Variants in LAMC3 observed in about 807,000 individuals in gnomAD.
LAMC3 encodes the protein laminin subunit gamma-3.
Under a neutral mutation model 173.8 loss-of-function variants are expected in LAMC3, and 128 were observed. The ratio of observed to expected loss-of-function variants is 0.74; its 90% CI spans 0.64 to 0.85. LAMC3 has a LOEUF of 0.85. Among genes scored for constraint, LAMC3 ranks in the 40% least tolerant of loss-of-function variants. The probability of loss-of-function intolerance (pLI) is 0.00; values close to 1 mark genes in which losing one functional copy is unlikely to be tolerated. For missense variants in LAMC3, 2,022 were observed against 2,156.0 expected (o/e 0.94, Z 1.23); for synonymous variants, 897 against 909.1 (o/e 0.99, Z 0.24).
chr9:131,019,135 G>A (rs1193654692), intron 1 of LAMC3, among the ~76,000 whole-genome samples: 6 of 152,326 alleles, frequency 3.9e-5, no homozygotes, highest in South Asian at 4.1e-4. Context: ...GGTGGTGCAC[G>A]CTTGTAATCC....
At chr9:131,079,082 C>A (rs776633410) in intron 22 of LAMC3, 67 bp from the exon 23 acceptor site, 2 of 1,578,618 alleles carry the variant, frequency 1.3e-6, no homozygotes, top group Non-Finnish European at 8.6e-7. Flanking sequence ...GGCACCTCCC[C>A]CAAGGAGAGG....
intron 4 of LAMC3, among the ~76,000 whole-genome samples, chr9:131,037,250 C>T (rs1163826066): frequency 6.6e-6 from 1 of 152,222 alleles, no homozygotes; most frequent in Non-Finnish European, 1.5e-5. Flanking sequence ...CTACCATGTC[C>T]TCAGCTCCAT....
intron 27 of LAMC3, among the ~76,000 whole-genome samples, chr9:131,088,468 A>C (rs1484723430): frequency 6.6e-6 from 1 of 152,014 alleles, no homozygotes; most frequent in African/African-American, 2.4e-5. Context: ...AGGGAATAGC[A>C]CCTCCCAAGG....
At chr9:131,034,941 T>TATTGATTG (rs879860563) in intron 3 of LAMC3, among the ~76,000 whole-genome samples, 66 of 151,798 alleles carry the variant, frequency 4.3e-4, no homozygotes, top group South Asian at 2.1e-3. Context: ...CTGAGATGAT[T>TATTGATTG]ATTTATTTAT....
At chr9:131,054,294 G>A (rs1448393930) in intron 11 of LAMC3, among the ~76,000 whole-genome samples, 1 of 152,090 alleles carries the variant, frequency 6.6e-6, no homozygotes, top group African/African-American at 2.4e-5. Context: ...CCTCTTTTGA[G>A]TCCAAGGGTG....
At chr9:131,080,319 T>C (rs1274722362) in intron 23 of LAMC3, 7 of 136,562 alleles carry the variant, frequency 5.1e-5, no homozygotes, top group Non-Finnish European at 9.3e-5. Context: ...AGACAGACTC[T>C]TACTCTGTCA....
intron 1 of LAMC3, among the ~76,000 whole-genome samples, chr9:131,010,108 C>A (rs907918749): frequency 7.1e-6 from 1 of 141,360 alleles, no homozygotes; most frequent in Non-Finnish European, 1.5e-5. Context: ...GAGCCGAGGT[C>A]GCACCACCGT....
chr9:131,081,167 G>A (rs1198181209), intron 23 of LAMC3, among the ~76,000 whole-genome samples: 1 of 152,228 alleles, frequency 6.6e-6, no homozygotes, highest in Non-Finnish European at 1.5e-5. Flanking sequence ...TGCCGATGGT[G>A]TCAGGCTTCC....
rs760996687 is a variant in LAMC3, at chr9:131,052,657, T to A, written c.1797T>A (p.His599Gln). The A allele has an allele frequency of 6.2e-7, 1 of 1,613,746 alleles. No individual in the cohort carries two copies. Among genetic ancestry groups the A allele is most frequent in the Admixed American group, 1.7e-5 (1 of 60,008 alleles). ...TGTCTGGCCCCCAGGATGCCGGGCA[T>A]CCCAGGGAGGTAGAGCTCAGGTTCC... is the stretch of plus-strand genomic sequence containing the variant. ...SSLSGPQDAG[H>Q]PREVELRFHL... The change falls in exon 10 of 28, where the codon CAT becomes CAA. Residue 599 changes from histidine (H) to glutamine (Q), a missense_variant. By Grantham distance (24) the His-to-Gln change is conservative (BLOSUM62 0). Coordinates refer to ENST00000361069, the MANE Select transcript of LAMC3 (RefSeq NM_006059.4).
intron 20 of LAMC3, among the ~76,000 whole-genome samples, chr9:131,074,585 A>G (rs912805751): frequency 5.3e-5 from 8 of 150,730 alleles, no homozygotes; most frequent in Non-Finnish European, 1.2e-4. Context: ...AATTCCAGCT[A>G]TTTGGGAGGC....
chr9:131,071,987 A>G (rs930057643), intron 18 of LAMC3, among the ~76,000 whole-genome samples: 1 of 152,152 alleles, frequency 6.6e-6, no homozygotes, highest in Non-Finnish European at 1.5e-5. Flanking sequence ...ATCTTAATAA[A>G]TGAGTAAATA....
At position 131,036,127 on chromosome 9, in the gene LAMC3, C is replaced by A. The variant is rs759865629; in HGVS notation, c.810-39C>A. 5.0e-6 allele frequency: 8 copies of A among 1,610,494 alleles called. No homozygotes were observed. In the South Asian group the frequency reaches 7.7e-5, roughly 15 times the overall value. On this transcript the variant is annotated intron_variant, in intron 3 of 27. Transcript: ENST00000361069. ...ACTAACTCCTTGTCTGCCCTGCCGG[C>A]ACCTGCGGGTCCCCTTCCTCCTCTG...
intron 9 of LAMC3, among the ~76,000 whole-genome samples, chr9:131,051,229 CT>C (rs1198218293): frequency 2.0e-5 from 3 of 151,822 alleles, no homozygotes; most frequent in East Asian, 1.9e-4. Context: ...AATATAAACA[CT>C]TTTTTTCCCC....
chr9:131,047,316 C>CA (rs1834189120), intron 8 of LAMC3, among the ~76,000 whole-genome samples: 1 of 150,960 alleles, frequency 6.6e-6, no homozygotes, highest in Non-Finnish European at 1.5e-5. Flanking sequence ...AGGCACCCAC[C>CA]ACCACGCCCA....
intron 1 of LAMC3, among the ~76,000 whole-genome samples, chr9:131,010,147 C>T (rs1245676955): frequency 8.2e-6 from 1 of 121,704 alleles, no homozygotes; most frequent in Non-Finnish European, 1.6e-5. Context: ...GAGCTAACTC[C>T]GTCTCAAAAA....
At chr9:131,035,377 G>C (rs1234555933) in intron 3 of LAMC3, among the ~76,000 whole-genome samples, 2 of 152,130 alleles carry the variant, frequency 1.3e-5, no homozygotes, top group Non-Finnish European at 2.9e-5. Flanking sequence ...GGAAAGTGAA[G>C]AGGGATCAGG....
At chr9:131,085,432 G>A in intron 24 of LAMC3, 92 bp from the exon 25 acceptor site, 1 of 1,296,504 alleles carries the variant, frequency 7.7e-7, no homozygotes, top group Non-Finnish European at 1.1e-6. Context: ...CCAAGGGTCT[G>A]TGGTCAGCCA....
At chr9:131,038,770 C>T in intron 4 of LAMC3, 94 bp from the exon 5 acceptor site, 1 of 1,289,380 alleles carries the variant, frequency 7.8e-7, no homozygotes, top group East Asian at 2.3e-5. Flanking sequence ...TTTGCACTGC[C>T]TGCTCATTTA....
At chr9:131,017,703 G>A (rs1278864603) in intron 1 of LAMC3, among the ~76,000 whole-genome samples, 1 of 110,264 alleles carries the variant, frequency 9.1e-6, no homozygotes, top group Non-Finnish European at 1.7e-5. Context: ...CAGCCTGGAT[G>A]ACAGCAAGAC....
Sources: gnomAD v4.1 joint callset for allele counts (sites outside exome capture counted in the v4.1 genomes callset) on GRCh38, gnomAD v4.1.1 for gene constraint, MANE v1.5 for transcripts, NCBI Gene and HGNC (gene_info 2026-07-23, HGNC 2026-07-21) for gene names.